Variants in PRKN observed in about 807,000 individuals in gnomAD.
The protein encoded by PRKN is E3 ubiquitin-protein ligase parkin.
In PRKN, 56 loss-of-function variants were observed where a neutral mutation model predicts 59.5. That is an observed-to-expected ratio of 0.94 (90% CI 0.76 to 1.18). The LOEUF (loss-of-function observed/expected upper bound fraction) is 1.18, where lower values mean the gene tolerates loss of function less well. PRKN is among the 50% of genes most tolerant of loss of function. The pLI is 0.00. For synonymous variants in PRKN, 250 were observed against 222.1 expected (o/e 1.13, Z -1.12); for missense variants, 657 against 596.4 (o/e 1.10, Z -1.06).
intron 6 of PRKN, among the ~76,000 whole-genome samples, chr6:161,929,509 T>G (rs528938937): frequency 6.7e-6 from 1 of 149,394 alleles, no homozygotes; most frequent in Non-Finnish European, 1.5e-5. Flanking sequence ...TTTATGTGAA[T>G]TTCACCTCTT....
Position 162,476,361 on chromosome 6 carries a change from C to T in PRKN, c.8-32888G>A, listed in dbSNP as rs1373157470. 5.3e-5 allele frequency among the ~76,000 whole-genome samples: 8 copies of T among 152,078 alleles called. 2 individuals carry two copies. In the South Asian group the frequency reaches 1.2e-3, roughly 24 times the overall value. ...TGCTGGGATTACAGGTGTGAGCCAC[C>T]GCGCCCAGCCCACTCTTTTTGAGGG... On this transcript the variant is annotated intron_variant, in intron 1 of 11. Transcript: ENST00000366898.
chr6:162,133,874 G>C (rs1781468594), intron 4 of PRKN, among the ~76,000 whole-genome samples: 2 of 152,066 alleles, frequency 1.3e-5, no homozygotes. Context: ...GAAATGACAG[G>C]CTAGAGTGGG....
chr6:162,499,409 GTTTC>G (rs1437109968), intron 1 of PRKN, among the ~76,000 whole-genome samples: 1 of 152,050 alleles, frequency 6.6e-6, no homozygotes, highest in Non-Finnish European at 1.5e-5. Flanking sequence ...CTTCAAATCT[GTTTC>G]TTTATCTCTC....
At chr6:162,713,366 C>T (rs575812725) in intron 1 of PRKN, among the ~76,000 whole-genome samples, 3 of 151,842 alleles carry the variant, frequency 2.0e-5, no homozygotes, top group Non-Finnish European at 4.4e-5. Flanking sequence ...TGCTGGCGGG[C>T]GCCTGTAGTC....
At position 161,462,390 on chromosome 6, in the gene PRKN, G is replaced by A. The variant is rs750193927; in HGVS notation, c.1084-75513C>T. The stretch of plus-strand genomic sequence containing the variant: ...CACAGGGAGAGGTATTTTAGGAGCT[G>A]ATTTGGTATTCAGTTAATACTGTAG... On this transcript the variant is annotated intron_variant, in intron 9 of 11. Coordinates refer to ENST00000366898, the MANE Select transcript of PRKN (RefSeq NM_004562.3). The surrounding 1 kb of genome is among the most constrained non-coding windows in gnomAD (Gnocchi z 4.5). 5.3e-5 allele frequency among the ~76,000 whole-genome samples: 8 copies of A among 152,158 alleles called. No homozygotes were observed. The highest frequency in any genetic ancestry group is 8.8e-5 in the Non-Finnish European group (6 of 68,028).
At chr6:162,573,039 C>T (rs1562397973) in intron 1 of PRKN, among the ~76,000 whole-genome samples, 1 of 152,136 alleles carries the variant, frequency 6.6e-6, no homozygotes. Context: ...AAAAACTGTC[C>T]TTTAAATGCC....
intron 7 of PRKN, among the ~76,000 whole-genome samples, chr6:161,632,647 C>A (rs1163260932): frequency 1.3e-5 from 2 of 152,158 alleles, no homozygotes; most frequent in Admixed American, 1.3e-4. Flanking sequence ...TAAAGACATG[C>A]TCAAGACTGG....
At chr6:162,491,423 C>G (rs1040136709) in intron 1 of PRKN, among the ~76,000 whole-genome samples, 1 of 152,204 alleles carries the variant, frequency 6.6e-6, no homozygotes, top group African/African-American at 2.4e-5. Flanking sequence ...AGGGCCCAGA[C>G]AGAGGTGACG....
intron 2 of PRKN, among the ~76,000 whole-genome samples, chr6:162,427,101 C>T (rs540493149): frequency 2.6e-5 from 4 of 152,278 alleles, no homozygotes; most frequent in Non-Finnish European, 4.4e-5. Context: ...TGAAAAGATG[C>T]TTAATTGAGA....
At chr6:161,883,120 G>A (rs1240035514) in intron 6 of PRKN, among the ~76,000 whole-genome samples, 1 of 152,114 alleles carries the variant, frequency 6.6e-6, no homozygotes, top group Non-Finnish European at 1.5e-5. Context: ...GGCAGAAATA[G>A]AGGTAAGAGA....
At chr6:162,226,098 A>C in intron 3 of PRKN, among the ~76,000 whole-genome samples, 1 of 54,000 alleles carries the variant, frequency 1.9e-5, no homozygotes, top group Non-Finnish European at 3.0e-5. Context: ...TAATAATAAT[A>C]AAATTAGATC....
chr6:162,148,157 T>C (rs1262916902), intron 4 of PRKN, among the ~76,000 whole-genome samples: 2 of 152,166 alleles, frequency 1.3e-5, no homozygotes, highest in Non-Finnish European at 2.9e-5. Flanking sequence ...TGGATAACAA[T>C]TGAGCTATCC....
intron 7 of PRKN, among the ~76,000 whole-genome samples, chr6:161,601,045 T>A (rs920388773): frequency 6.6e-6 from 1 of 152,240 alleles, no homozygotes; most frequent in Admixed American, 6.5e-5. Context: ...TACAACAAAG[T>A]CATCCTAAAC....
chr6:162,617,345 C>T (rs1782467867), intron 1 of PRKN, among the ~76,000 whole-genome samples: 1 of 152,170 alleles, frequency 6.6e-6, no homozygotes, highest in Admixed American at 6.5e-5. Flanking sequence ...TATTCTCCCA[C>T]CTCAGCCGCC....
chr6:162,079,132 G>A (rs543848340), intron 4 of PRKN, among the ~76,000 whole-genome samples: 5 of 152,140 alleles, frequency 3.3e-5, no homozygotes, highest in African/African-American at 7.2e-5. Context: ...GATGGAAATC[G>A]CTGTTCACAG....
intron 4 of PRKN, among the ~76,000 whole-genome samples, chr6:162,123,990 A>C (rs1251130410): frequency 1.3e-5 from 2 of 152,134 alleles, no homozygotes; most frequent in African/African-American, 4.8e-5. Flanking sequence ...TGTTGAGTTG[A>C]TTGCCCTGTA....
chr6:162,039,255 C>T (rs569357421), intron 5 of PRKN, among the ~76,000 whole-genome samples: 2 of 152,198 alleles, frequency 1.3e-5, no homozygotes, highest in Admixed American at 1.3e-4. Context: ...CCTGAATGAA[C>T]TCTCTTTCAA....
intron 7 of PRKN, among the ~76,000 whole-genome samples, chr6:161,624,617 G>T (rs1043419548): frequency 6.6e-6 from 1 of 152,154 alleles, no homozygotes; most frequent in Non-Finnish European, 1.5e-5. Flanking sequence ...TGCAAGGTTA[G>T]CACTGGGAGA....
At chr6:161,537,698 G>A (rs562095530) in intron 9 of PRKN, among the ~76,000 whole-genome samples, 253 of 152,210 alleles carry the variant, frequency 1.7e-3, no homozygotes, top group African/African-American at 4.3e-3. Context: ...TGATCCGCCC[G>A]CCTTAGCCTC....
Sources: allele counts gnomAD v4.1 joint callset (sites outside exome capture counted in the v4.1 genomes callset), GRCh38; gene constraint gnomAD v4.1.1; non-coding constraint Gnocchi (gnomAD v3.1); transcripts MANE v1.5; gene names NCBI Gene and HGNC (gene_info 2026-07-23, HGNC 2026-07-21).